The following FOXP2 variants were observed in gnomAD, a reference collection of about 807,000 sequenced individuals.
FOXP2 encodes forkhead box protein P2.
Under a neutral mutation model 115.8 loss-of-function variants are expected in FOXP2, and 12 were observed. The observed-to-expected ratio is 0.10, with a 90% CI of 0.07 to 0.17. FOXP2 has a LOEUF of 0.17. FOXP2 is among the 10% of genes least tolerant of loss of function. The probability of loss-of-function intolerance (pLI) is 1.00; values close to 1 mark genes in which losing one functional copy is unlikely to be tolerated. For missense variants in FOXP2, 629 were observed against 843.5 expected (o/e 0.75, Z 3.15); for synonymous variants, 328 against 297.7 (o/e 1.10, Z -1.05).
chr7:114,310,110 C>T (rs901761883), intron 2 of FOXP2, among the ~76,000 whole-genome samples: 1 of 152,118 alleles, frequency 6.6e-6, no homozygotes, highest in Non-Finnish European at 1.5e-5. Flanking sequence ...TTATGCCCAT[C>T]GAGCTGAGTA....
intron 2 of FOXP2, among the ~76,000 whole-genome samples, chr7:114,385,482 G>A (rs369626765): frequency 4.6e-5 from 7 of 152,104 alleles, no homozygotes; most frequent in South Asian, 2.1e-4. Flanking sequence ...CCAGGAGTTC[G>A]GGACAACAGC....
chr7:114,449,072 T>C (rs529547619), intron 2 of FOXP2, among the ~76,000 whole-genome samples: 1 of 152,196 alleles, frequency 6.6e-6, no homozygotes, highest in Admixed American at 6.6e-5. Context: ...AATAATAGTA[T>C]TGTCCCCACA....
intron 10 of FOXP2, among the ~76,000 whole-genome samples, chr7:114,654,703 G>A (rs1806474682): frequency 6.6e-6 from 1 of 152,100 alleles, no homozygotes; most frequent in South Asian, 2.1e-4. Context: ...TTCAGCTGAT[G>A]TTTGCACAGA....
At chr7:114,533,125 T>C (rs746033671) in intron 2 of FOXP2, among the ~76,000 whole-genome samples, 2 of 151,924 alleles carry the variant, frequency 1.3e-5, no homozygotes, top group Non-Finnish European at 2.9e-5. Flanking sequence ...ACAACAAAGA[T>C]GATTATCGTG....
At chr7:114,477,733 G>A (rs988742052) in intron 2 of FOXP2, among the ~76,000 whole-genome samples, 16 of 151,886 alleles carry the variant, frequency 1.1e-4, no homozygotes, top group African/African-American at 3.9e-4. Context: ...TTAGAAACTT[G>A]GTAATAGATT....
intron 3 of FOXP2, among the ~76,000 whole-genome samples, chr7:114,559,778 A>G (rs1401520944): frequency 6.6e-6 from 1 of 151,744 alleles, no homozygotes; most frequent in East Asian, 1.9e-4. Flanking sequence ...AGTCCCAGCT[A>G]CTCAGGAGGC....
intron 2 of FOXP2, among the ~76,000 whole-genome samples, chr7:114,462,277 G>GA (rs766244858): frequency 0.37 from 7,675 of 20,576 alleles, 1,892 homozygotes; most frequent in Non-Finnish European, 0.41. Flanking sequence ...GAGACTCCGT[G>GA]AAAAAAAAAA....
intron 3 of FOXP2, among the ~76,000 whole-genome samples, chr7:114,591,305 T>C (rs1802424684): frequency 1.3e-5 from 2 of 152,150 alleles, no homozygotes; most frequent in Non-Finnish European, 2.9e-5. Flanking sequence ...ACAGTAACTG[T>C]ATTGATCAAT....
intron 1 of FOXP2, among the ~76,000 whole-genome samples, chr7:114,153,885 T>C (rs768126707): frequency 4.6e-5 from 7 of 152,118 alleles, no homozygotes; most frequent in African/African-American, 7.2e-5. Context: ...TAAGAAGCCA[T>C]TGTGTTGTAA....
At chr7:114,321,541 C>T (rs1429977373) in intron 2 of FOXP2, among the ~76,000 whole-genome samples, 1 of 152,124 alleles carries the variant, frequency 6.6e-6, no homozygotes, top group Non-Finnish European at 1.5e-5. Flanking sequence ...AAATAGTTCC[C>T]ATTCTACTTT....
intron 2 of FOXP2, among the ~76,000 whole-genome samples, chr7:114,456,527 TA>T (rs1795318597): frequency 1.3e-5 from 2 of 152,180 alleles, no homozygotes; most frequent in South Asian, 4.1e-4. Flanking sequence ...TTAAACAAGA[TA>T]AAGTATAGAA....
At chr7:114,216,328 C>T (rs909509341) in intron 1 of FOXP2, among the ~76,000 whole-genome samples, 3 of 152,124 alleles carry the variant, frequency 2.0e-5, no homozygotes, top group African/African-American at 4.8e-5. Flanking sequence ...TTTTTCTGTT[C>T]GGCATTTATG....
At chr7:114,517,841 T>A (rs1398679367) in intron 2 of FOXP2, among the ~76,000 whole-genome samples, 3 of 152,070 alleles carry the variant, frequency 2.0e-5, no homozygotes, top group Admixed American at 1.3e-4. Context: ...ATTTTAAGAT[T>A]TTTTTTTCGA....
intron 2 of FOXP2, among the ~76,000 whole-genome samples, chr7:114,523,292 T>C (rs1423219560): frequency 1.3e-5 from 2 of 152,184 alleles, no homozygotes; most frequent in African/African-American, 4.8e-5. Flanking sequence ...TCATTTTGTT[T>C]CTAAGAATAT....
intron 2 of FOXP2, among the ~76,000 whole-genome samples, chr7:114,525,873 A>G (rs1215362934): frequency 6.6e-6 from 1 of 152,086 alleles, no homozygotes; most frequent in South Asian, 2.1e-4. Context: ...GCACTTTGGG[A>G]GGCTGAGATG....
At chr7:114,639,458 A>C (rs562850484) in intron 6 of FOXP2, among the ~76,000 whole-genome samples, 1 of 152,160 alleles carries the variant, frequency 6.6e-6, no homozygotes, top group East Asian at 1.9e-4. Context: ...TTAGAAGGAG[A>C]CTGGTGATAA....
chr7:114,555,642 C>T (rs1800417917), intron 3 of FOXP2, among the ~76,000 whole-genome samples: 1 of 151,884 alleles, frequency 6.6e-6, no homozygotes, highest in Non-Finnish European at 1.5e-5. Context: ...ACTAAAAATA[C>T]AAAAATTAGC....
intron 1 of FOXP2, among the ~76,000 whole-genome samples, chr7:114,089,664 A>C (rs1386615518): frequency 6.6e-6 from 1 of 152,008 alleles, no homozygotes; most frequent in Non-Finnish European, 1.5e-5. Flanking sequence ...TTAAAAAAAA[A>C]ATAAGATAAA....
intron 1 of FOXP2, among the ~76,000 whole-genome samples, chr7:114,100,120 T>A (rs993592406): frequency 6.6e-6 from 1 of 152,208 alleles, no homozygotes; most frequent in African/African-American, 2.4e-5. Flanking sequence ...AATTAATTGA[T>A]ACAAAGTTCT....
Sources: allele counts gnomAD v4.1 joint callset (sites outside exome capture counted in the v4.1 genomes callset), GRCh38; gene constraint gnomAD v4.1.1; transcripts MANE v1.5; gene names NCBI Gene and HGNC (gene_info 2026-07-23, HGNC 2026-07-21).